WDR27: variants seen among roughly 807,000 people sequenced by gnomAD.
WDR27 encodes the protein WD repeat-containing protein 27.
Under a neutral mutation model 114.4 loss-of-function variants are expected in WDR27, and 100 were observed. The ratio of observed to expected loss-of-function variants is 0.87; its 90% CI spans 0.74 to 1.03. The LOEUF is 1.03. Among genes scored for constraint, WDR27 ranks in the 50% least tolerant of loss-of-function variants. WDR27 has a pLI of 0.00. For missense variants in WDR27, 1,129 were observed against 1,092.9 expected, an observed-to-expected ratio of 1.03 and a Z score of -0.47; for synonymous variants, 449 against 423.1, an observed-to-expected ratio of 1.06 and a Z score of -0.75.
At chr6:169,579,171 C>A (rs1802949050) in intron 24 of WDR27, among the ~76,000 whole-genome samples, 1 of 152,156 alleles carries the variant, frequency 6.6e-6, no homozygotes, top group South Asian at 2.1e-4. Context: ...CTGGTGTCAT[C>A]CTGCAATGAC....
At chr6:169,615,230 T>C (rs775358675) in intron 21 of WDR27, among the ~76,000 whole-genome samples, 2 of 152,180 alleles carry the variant, frequency 1.3e-5, no homozygotes, top group Admixed American at 1.3e-4. Context: ...TGTCATTATT[T>C]CACTTTTGTT....
At chr6:169,440,254 A>G in the WDR27 span, among the ~76,000 whole-genome samples, 1 of 152,176 alleles carries the variant, frequency 6.6e-6, no homozygotes, top group Non-Finnish European at 1.5e-5. Flanking sequence ...AGTTTTTATT[A>G]TCTACCTGTA....
chr6:169,625,416 G>A (rs1240193130), intron 21 of WDR27, among the ~76,000 whole-genome samples: 2 of 152,230 alleles, frequency 1.3e-5, no homozygotes, highest in South Asian at 4.1e-4. Context: ...GAGAGGCCAG[G>A]GAGGCCTCCT....
intron 23 of WDR27, among the ~76,000 whole-genome samples, chr6:169,588,272 G>T (rs1373046587): frequency 6.6e-6 from 1 of 152,158 alleles, no homozygotes; most frequent in Non-Finnish European, 1.5e-5. Context: ...CAGCATTTCT[G>T]CATTTGTTTA....
At chr6:169,671,796 T>C (rs1299984394) in intron 3 of WDR27, 1 of 154,164 alleles carries the variant, frequency 6.5e-6, no homozygotes, top group Non-Finnish European at 1.4e-5. Context: ...GTCGCTGGCT[T>C]ACACAGTGTC....
chr6:169,620,475 G>A (rs1812847637), intron 21 of WDR27, among the ~76,000 whole-genome samples: 1 of 152,132 alleles, frequency 6.6e-6, no homozygotes, highest in African/African-American at 2.4e-5. Flanking sequence ...ATGTAAAAAT[G>A]ATGATTCACT....
intron 25 of WDR27, among the ~76,000 whole-genome samples, chr6:169,540,358 T>C (rs1796682485): frequency 6.6e-6 from 1 of 152,222 alleles, no homozygotes; most frequent in Non-Finnish European, 1.5e-5. Flanking sequence ...TTCTTTCATT[T>C]ATTAATGAAA....
In WDR27 at chr6:169,660,729, T is replaced by A. The variant is rs771710261; in HGVS notation, c.1063A>T (p.Ser355Cys). 2.9e-5 allele frequency: 47 copies of A among 1,613,442 alleles called. No individual in the cohort carries two copies. Among genetic ancestry groups the A allele is most frequent in the Non-Finnish European group, 3.8e-5 (45 of 1,179,776 alleles). ...SENTRCVWIG[S>C]SVGLFVFNLA... ...TTAAATACGAATAAGCCCACTGAGC[T>A]TCCGATCCACACACATCGGGTGTTC... Residue 355 changes from serine (S) to cysteine (C), a missense_variant, in exon 10 of 26, where the codon AGC (serine) becomes TGC (cysteine). By Grantham distance (112) the Ser-to-Cys change is moderately radical. Transcript: ENST00000448612.
At chr6:169,524,015 G>A (rs933423887) in intron 25 of WDR27, among the ~76,000 whole-genome samples, 3 of 152,062 alleles carry the variant, frequency 2.0e-5, no homozygotes, top group Non-Finnish European at 2.9e-5. Flanking sequence ...ATTCACAAAT[G>A]ACATGATCTT....
At chr6:169,648,312 G>T (rs1198569042) in intron 15 of WDR27, among the ~76,000 whole-genome samples, 4 of 152,140 alleles carry the variant, frequency 2.6e-5, no homozygotes, top group Non-Finnish European at 4.4e-5. Context: ...CGAGCCCTGG[G>T]TGGCATTTGG....
At position 169,649,236 on chromosome 6, in the gene WDR27, C is replaced by T. The variant is rs762780948; in HGVS notation, c.1521G>A (p.Glu507=). The T allele has an allele frequency of 1.3e-6, 2 of 1,578,950 alleles. No homozygotes were observed. The highest frequency in any genetic ancestry group is 2.3e-5 in the South Asian group (2 of 85,634). Reference sequence around the variant, plus strand: ...TCCTGCTCCTTGAAGATCCTTTCCCCTCACTCTTGATGTTGGTCTTTGGTG... The same window carrying T: ...TCCTGCTCCTTGAAGATCCTTTCCCTTCACTCTTGATGTTGGTCTTTGGTG... The part of the protein sequence containing the change: ...MFSPKTNIKS[E]GKGSSRSRSS... Residue 507 remains glutamate (E), a synonymous_variant, in exon 15 of 26, where the codon GAG becomes GAA. Transcript: ENST00000448612.
In WDR27 at chr6:169,583,477, GTGTATATATACATATATATATATATA is replaced by G. The variant is rs1309439294; in HGVS notation, c.2425-569_2425-544del. Among the ~76,000 whole-genome samples the G allele has an allele frequency of 7.0e-4, 10 of 14,270 alleles. No homozygotes were observed. The East Asian group carries it at 0.13, about 189-fold the overall frequency. The allele number at this position is 14,270 out of a possible 152,430, so 9.4% of individuals were successfully genotyped here. On this transcript the variant is annotated intron_variant, in intron 23 of 25. Coordinates refer to ENST00000448612, the MANE Select transcript of WDR27 (RefSeq NM_182552.5). ...TTCCTCTTTAATTGTGTGTGTGTGT[GTGTATATATACATATATATATATATA>G]TGTATATATACACACACACACACAC...
At chr6:169,581,814 C>CA (rs78538229) in intron 24 of WDR27, among the ~76,000 whole-genome samples, 4 of 152,116 alleles carry the variant, frequency 2.6e-5, no homozygotes, top group East Asian at 1.9e-4. Context: ...CAGAGAAGAG[C>CA]GGGTCACAAG....
chr6:169,681,205 A>G (rs1781443033), intron 2 of WDR27, among the ~76,000 whole-genome samples: 1 of 152,246 alleles, frequency 6.6e-6, no homozygotes, highest in South Asian at 2.1e-4. Context: ...ATAATAAAGA[A>G]GAATGAACTA....
chr6:169,586,847 C>CAAAAAAAAAAAAAAAAAAAAA (rs3029697), intron 23 of WDR27, among the ~76,000 whole-genome samples: 1 of 32,056 alleles, frequency 3.1e-5, no homozygotes, highest in Non-Finnish European at 5.6e-5. Flanking sequence ...GACTCTGTCT[C>CAAAAAAAAAAAAAAAAAAAAA]AAAAAAAAAA....
intron 25 of WDR27, among the ~76,000 whole-genome samples, chr6:169,458,716 G>A (rs181569858): frequency 5.9e-5 from 9 of 151,810 alleles, no homozygotes; most frequent in Non-Finnish European, 1.3e-4. Flanking sequence ...GAACCCAGGA[G>A]GGGGAGATTC....
At position 169,664,255 on chromosome 6, in the gene WDR27, T is replaced by C. The variant is rs767343997; in HGVS notation, c.815A>G (p.His272Arg). ...LWIFSLMDGH[H>R]YRRVARVDLR... The stretch of plus-strand genomic sequence containing the variant: ...GTCAACCCGTGCCACACGACGATAA[T>C]GGTGTCCATCCATCAAACTGAAGAT... Residue 272 changes from histidine (H) to arginine (R), a missense_variant, in exon 8 of 26, where the codon CAT becomes CGT. Coordinates refer to ENST00000448612, the MANE Select transcript of WDR27 (RefSeq NM_182552.5). 2 of 1,613,906 alleles carry C rather than the reference T, an allele frequency of 1.2e-6. No homozygotes were observed. The highest frequency in any genetic ancestry group is 2.7e-5 in the African/African-American group (2 of 75,048).
intron 17 of WDR27, among the ~76,000 whole-genome samples, chr6:169,641,644 G>A (rs1333676378): frequency 3.3e-5 from 5 of 152,254 alleles, no homozygotes; most frequent in African/African-American, 1.2e-4. Flanking sequence ...CCGAGAAGGA[G>A]CAGAGCAGAA....
chr6:169,488,973 TAATC>T (rs1373614182), intron 25 of WDR27, among the ~76,000 whole-genome samples: 3 of 151,774 alleles, frequency 2.0e-5, no homozygotes, highest in Non-Finnish European at 2.9e-5. Flanking sequence ...GCATTTCTCT[TAATC>T]AAATCCTTTG....
Sources: gnomAD v4.1 joint callset for allele counts (sites outside exome capture counted in the v4.1 genomes callset) on GRCh38, gnomAD v4.1.1 for gene constraint, MANE v1.5 for transcripts, NCBI Gene and HGNC (gene_info 2026-07-23, HGNC 2026-07-21) for gene names.